WWOX: variants seen among roughly 807,000 people sequenced by gnomAD.
The protein encoded by WWOX is WW domain containing oxidoreductase, also known as WW domain-containing oxidoreductase.
WWOX carries 69 observed loss-of-function variants against 46.2 expected under a neutral mutation model. The observed-to-expected ratio is 1.49, with a 90% CI of 1.23 to 1.82. The LOEUF is 1.82. Ranked by LOEUF, WWOX falls within the 40% of genes most tolerant of loss-of-function variation. WWOX has a pLI of 0.00. For missense variants in WWOX, 919 were observed against 542.6 expected, an observed-to-expected ratio of 1.69 and a Z score of -6.89; for synonymous variants, 359 against 202.6, an observed-to-expected ratio of 1.77 and a Z score of -6.56.
intron 5 of WWOX, among the ~76,000 whole-genome samples, chr16:78,362,152 TTTGAACAG>T (rs2081422963): frequency 6.6e-6 from 1 of 152,040 alleles, no homozygotes; most frequent in African/African-American, 2.4e-5. Context: ...AGAACTTGAT[TTTGAACAG>T]TTGAAGGTCT....
chr16:78,903,543 G>C (rs1276906124), intron 8 of WWOX, among the ~76,000 whole-genome samples: 1 of 152,156 alleles, frequency 6.6e-6, no homozygotes, highest in Non-Finnish European at 1.5e-5. Context: ...AAAAGGTAAG[G>C]GGTTGCAAAA....
intron 5 of WWOX, among the ~76,000 whole-genome samples, chr16:78,206,749 A>T (rs547638233): frequency 7.0e-6 from 1 of 142,810 alleles, no homozygotes; most frequent in Admixed American, 6.9e-5. Context: ...CTACCTTTTG[A>T]CTAGAGTGTT....
intron 8 of WWOX, among the ~76,000 whole-genome samples, chr16:78,492,254 G>C (rs2084802785): frequency 6.6e-6 from 1 of 152,322 alleles, no homozygotes; most frequent in African/African-American, 2.4e-5. Flanking sequence ...GTAGAGGTTG[G>C]ACGAGACACT....
At chr16:79,174,448 A>G (rs1259946496) in intron 8 of WWOX, among the ~76,000 whole-genome samples, 1 of 152,172 alleles carries the variant, frequency 6.6e-6, no homozygotes, top group South Asian at 2.1e-4. Context: ...CAGGAGTTTG[A>G]GATTAGCTTG....
At chr16:79,017,570 A>C (rs995191541) in intron 8 of WWOX, 1 of 151,988 alleles carries the variant, frequency 6.6e-6, no homozygotes, top group Admixed American at 6.6e-5. Context: ...CGTCTGTCAC[A>C]ATTCACTTCT....
chr16:78,186,241 T>C lies in WWOX; in HGVS notation c.516+21952T>C, dbSNP rs868010451. On this transcript the variant is annotated intron_variant, in intron 5 of 8. Coordinates refer to ENST00000566780, the MANE Select transcript of WWOX (RefSeq NM_016373.4). ...TTCATTTAATCTGTTTCTTTTTACC[T>C]TTTTTTTTTTTTGACACGGCTCCTG... is the stretch of plus-strand genomic sequence containing the variant. Among the ~76,000 whole-genome samples the C allele has an allele frequency of 6.9e-3, 753 of 109,894 alleles. 7 individuals are homozygous for C. The highest frequency in any genetic ancestry group is 0.026 in the African/African-American group (720 of 27,422). 72.1% of individuals were successfully genotyped at this position (109,894 alleles called of 152,430 possible).
chr16:78,229,568 A>G (rs920927980), intron 5 of WWOX, among the ~76,000 whole-genome samples: 26 of 150,638 alleles, frequency 1.7e-4, no homozygotes, highest in Admixed American at 8.6e-4. Flanking sequence ...GCAACCTCAG[A>G]TGTATTTCTA....
intron 8 of WWOX, among the ~76,000 whole-genome samples, chr16:78,952,128 T>C (rs1308995829): frequency 6.6e-6 from 1 of 152,088 alleles, no homozygotes. Context: ...CATTTCTCAC[T>C]GTTATCATTG....
At position 78,444,469 on chromosome 16, in the gene WWOX, G is replaced by C. The variant is rs1366077559; in HGVS notation, c.1056+11717G>C. Among the ~76,000 whole-genome samples the C allele has an allele frequency of 2.0e-5, 3 of 151,738 alleles. No homozygotes were observed. In the East Asian group the frequency reaches 5.8e-4, roughly 29 times the overall value. ...AACTGAACCTACCATCATTTATTAA[G>C]AGAATGGATATTTTCATGTCAGAAA... On this transcript the variant is annotated intron_variant, in intron 8 of 8. Coordinates refer to ENST00000566780, the MANE Select transcript of WWOX (RefSeq NM_016373.4).
chr16:78,374,909 C>A (rs1481383956), intron 5 of WWOX, among the ~76,000 whole-genome samples: 1 of 152,002 alleles, frequency 6.6e-6, no homozygotes, highest in Non-Finnish European at 1.5e-5. Flanking sequence ...TGGTCTCAAA[C>A]TGTTGACCTT....
Position 78,228,204 on chromosome 16 carries a change from G to C in WWOX, c.516+63915G>C, listed in dbSNP as rs560576582. 3.3e-5 allele frequency among the ~76,000 whole-genome samples: 5 copies of C among 152,242 alleles called. No individual in the cohort carries two copies. The South Asian group carries it at 1.0e-3, about 32-fold the overall frequency. ...CACAAGAAGATTTTCCCAGAGTCCA[G>C]GGTGTTCTCTTACCCCTGAAATCGT... On this transcript the variant is annotated intron_variant, in intron 5 of 8. Transcript: ENST00000566780.
chr16:78,507,773 G>C (rs2085249271), intron 8 of WWOX, among the ~76,000 whole-genome samples: 1 of 152,120 alleles, frequency 6.6e-6, no homozygotes, highest in Non-Finnish European at 1.5e-5. Context: ...TGAGCGCAGA[G>C]CCATTCTCAG....
intron 8 of WWOX, chr16:79,110,633 G>A (rs1349455022): frequency 1.3e-5 from 2 of 152,134 alleles, no homozygotes; most frequent in Non-Finnish European, 2.9e-5. Flanking sequence ...TGTCTCTCTT[G>A]GCTGTTTTTC....
At chr16:78,642,877 T>G (rs904557192) in intron 8 of WWOX, among the ~76,000 whole-genome samples, 3 of 152,204 alleles carry the variant, frequency 2.0e-5, no homozygotes, top group Non-Finnish European at 4.4e-5. Context: ...TCTGGAATCC[T>G]ACTGCCAAAT....
intron 8 of WWOX, among the ~76,000 whole-genome samples, chr16:79,158,569 G>A (rs2050426265): frequency 6.6e-6 from 1 of 152,232 alleles, no homozygotes; most frequent in South Asian, 2.1e-4. Flanking sequence ...ATCACTTCAC[G>A]CCTCCCTGTT....
intron 8 of WWOX, among the ~76,000 whole-genome samples, chr16:78,635,517 C>T (rs1177285953): frequency 6.6e-6 from 1 of 152,180 alleles, no homozygotes; most frequent in East Asian, 1.9e-4. Flanking sequence ...GGGCCACTTA[C>T]TTTCTGGCGG....
chr16:78,275,622 G>A (rs73572428), intron 5 of WWOX, among the ~76,000 whole-genome samples: 4,631 of 152,286 alleles, frequency 0.03, 244 homozygotes, highest in African/African-American at 0.1. Context: ...CAGCATGGCA[G>A]GCTCCCAGTA....
intron 8 of WWOX, among the ~76,000 whole-genome samples, chr16:78,920,473 G>T (rs552983352): frequency 2.0e-5 from 3 of 152,082 alleles, no homozygotes; most frequent in African/African-American, 4.8e-5. Flanking sequence ...CGCTGACCCC[G>T]AATGACTGGA....
intron 5 of WWOX, among the ~76,000 whole-genome samples, chr16:78,379,422 C>G (rs541327724): frequency 1.3e-5 from 2 of 152,196 alleles, no homozygotes; most frequent in Non-Finnish European, 2.9e-5. Context: ...ACGTTCAACA[C>G]AGCCATCTAG....
Sources: allele counts gnomAD v4.1 joint callset (sites outside exome capture counted in the v4.1 genomes callset), GRCh38; gene constraint gnomAD v4.1.1; transcripts MANE v1.5; gene names NCBI Gene and HGNC (gene_info 2026-07-23, HGNC 2026-07-21).